The following TFB2M variants were observed in gnomAD, a reference collection of about 807,000 sequenced individuals.
TFB2M encodes transcription factor B2, mitochondrial.
A neutral mutation model predicts 41.3 loss-of-function variants in TFB2M; 44 were observed. The ratio of observed to expected loss-of-function variants is 1.07; its 90% CI spans 0.84 to 1.37. The LOEUF is 1.37. Ranked by LOEUF, TFB2M falls within the 40% of genes most tolerant of loss-of-function variation. TFB2M has a pLI of 0.00. For synonymous variants in TFB2M, 188 were observed against 176.8 expected (o/e 1.06, Z -0.50); for missense variants, 496 against 490.2 (o/e 1.01, Z -0.11).
chr1:246,548,250 T>C (rs1355683697), intron 6 of TFB2M, among the ~76,000 whole-genome samples: 1 of 152,190 alleles, frequency 6.6e-6, no homozygotes, highest in African/African-American at 2.4e-5. Flanking sequence ...ATTAGATAAA[T>C]ATTAAAATGA....
At chr1:246,547,441 C>T (rs1355253479) in intron 6 of TFB2M, among the ~76,000 whole-genome samples, 1 of 152,140 alleles carries the variant, frequency 6.6e-6, no homozygotes, top group African/African-American at 2.4e-5. Context: ...TGCATTATTC[C>T]TATTCTGTTT....
At chr1:246,550,309 G>A (rs1659138092) in intron 5 of TFB2M, among the ~76,000 whole-genome samples, 1 of 152,122 alleles carries the variant, frequency 6.6e-6, no homozygotes, top group African/African-American at 2.4e-5. Context: ...GCAGAAAGCA[G>A]AATCAGTGAT....
rs968748009 is a variant in TFB2M at position 246,565,962 on chromosome 1, A to T, written c.177T>A (p.Asn59Lys). The change falls in exon 1 of 8, where the codon AAT becomes AAA. Residue 59 changes from asparagine (N) to lysine (K), a missense_variant. Coordinates refer to ENST00000366514, the MANE Select transcript of TFB2M (RefSeq NM_022366.3). ...PQLWPEPDFR[N>K]PPRKASKASL... Reference sequence around the variant, plus strand: ...TGGCCTTAGACGCCTTCCTTGGCGGATTCCTGAAATCCGGTTCGGGCCACA... The same window carrying T: ...TGGCCTTAGACGCCTTCCTTGGCGGTTTCCTGAAATCCGGTTCGGGCCACA... 6.2e-6 allele frequency: 10 copies of T among 1,614,040 alleles called. No homozygotes were observed. The highest frequency in any genetic ancestry group is 8.5e-6 in the Non-Finnish European group (10 of 1,180,030).
At position 246,557,481 on chromosome 1, in the gene TFB2M, AAAG is replaced by A; in HGVS notation, c.453_455del (p.Phe152del). On this transcript the variant is annotated inframe_deletion, in exon 3 of 8. Transcript: ENST00000366514. ...CTCCACCACTTCTAGGATCTAGTTT[AAAG>A]AAGTCACAGTGAATCACTCGTAGTT... The A allele has an allele frequency of 6.2e-7, 1 of 1,613,180 alleles. No homozygotes were observed. The highest frequency in any genetic ancestry group is 8.5e-7 in the Non-Finnish European group (1 of 1,179,598).
At chr1:246,549,565 AGAGT>A (rs1279790829) in intron 5 of TFB2M, among the ~76,000 whole-genome samples, 1 of 152,212 alleles carries the variant, frequency 6.6e-6, no homozygotes, top group Non-Finnish European at 1.5e-5. Context: ...CTGGGCTGAC[AGAGT>A]GAGATCGTGT....
At chr1:246,562,839 T>G (rs1266927311) in intron 2 of TFB2M, among the ~76,000 whole-genome samples, 1 of 152,112 alleles carries the variant, frequency 6.6e-6, no homozygotes, top group African/African-American at 2.4e-5. Context: ...TTTGTATTTT[T>G]AGTAGAGACG....
At chr1:246,559,041 A>C (rs1659391811) in intron 2 of TFB2M, among the ~76,000 whole-genome samples, 1 of 152,222 alleles carries the variant, frequency 6.6e-6, no homozygotes, top group Non-Finnish European at 1.5e-5. Flanking sequence ...AAAGTTATTA[A>C]TGCAAACACC....
At chr1:246,542,443 G>A (rs951041619) in intron 7 of TFB2M, among the ~76,000 whole-genome samples, 39 of 151,994 alleles carry the variant, frequency 2.6e-4, no homozygotes, top group Non-Finnish European at 5.4e-4. Context: ...GGGGCTAGGT[G>A]GGAGGATCAT....
At chr1:246,548,677 T>G in intron 5 of TFB2M, 70 bp from the exon 6 acceptor site, 1 of 1,452,086 alleles carries the variant, frequency 6.9e-7, no homozygotes, top group Non-Finnish European at 9.5e-7. Flanking sequence ...AGTTATTACT[T>G]CCTTAAAAAA....
Position 246,565,863 on chromosome 1 carries a change from T to C in TFB2M, c.276A>G (p.Pro92=), listed in dbSNP as rs191909341. Residue 92 remains proline (P), a synonymous_variant, in exon 1 of 8, where the codon CCA becomes CCG. Transcript: ENST00000366514. ...ETLAQIYLGK[P]SRPPHLLLEC... ...CCAGCAGTAGGTGTGGAGGTCTACT[T>C]GGTTTTCCCAAATAGATTTGCGCCA... The C allele has an allele frequency of 4.5e-5, 72 of 1,608,626 alleles. 1 individual carries two copies. In the Admixed American group the frequency reaches 1.2e-3, roughly 26 times the overall value.
chr1:246,547,464 T>A (rs1452426724), intron 6 of TFB2M, among the ~76,000 whole-genome samples: 1 of 152,188 alleles, frequency 6.6e-6, no homozygotes, highest in Non-Finnish European at 1.5e-5. Flanking sequence ...TGGGACTACA[T>A]AAATATGCTG....
chr1:246,548,612 G>A lies in TFB2M; in HGVS notation c.796-5C>T, dbSNP rs564886424. ...ATCAAATGATGACCAAGGCTCCTGG[G>A]GAAGAAAAACAAAGCAAAACAACAT... On this transcript the variant is annotated splice_polypyrimidine_tract_variant and splice_region_variant and intron_variant, in intron 5 of 7. Coordinates refer to ENST00000366514, the MANE Select transcript of TFB2M (RefSeq NM_022366.3). 11 of 1,611,068 alleles carry A rather than the reference G, an allele frequency of 6.8e-6. No individual in the cohort carries two copies. In the South Asian group the frequency reaches 9.9e-5, roughly 15 times the overall value.
chr1:246,561,377 C>T (rs925304533), intron 2 of TFB2M, among the ~76,000 whole-genome samples: 3 of 152,074 alleles, frequency 2.0e-5, no homozygotes, highest in Non-Finnish European at 2.9e-5. Flanking sequence ...TATTGATATT[C>T]CTATCATAAT....
intron 6 of TFB2M, among the ~76,000 whole-genome samples, chr1:246,545,399 C>T (rs1658988301): frequency 3.3e-5 from 5 of 151,924 alleles, no homozygotes; most frequent in Admixed American, 3.3e-4. Context: ...GTGGTGTGTG[C>T]CTGTAGTCCC....
intron 2 of TFB2M, among the ~76,000 whole-genome samples, chr1:246,562,621 C>A (rs1232367603): frequency 1.3e-5 from 2 of 151,664 alleles, no homozygotes; most frequent in East Asian, 3.9e-4. Flanking sequence ...TCATCTAAGA[C>A]AAAAACCACT....
intron 6 of TFB2M, among the ~76,000 whole-genome samples, chr1:246,544,981 A>AT (rs756323119): frequency 1.3e-5 from 2 of 151,770 alleles, no homozygotes; most frequent in Non-Finnish European, 2.9e-5. Context: ...AATTTTTTGT[A>AT]TTTTTAGTAG....
intron 4 of TFB2M, among the ~76,000 whole-genome samples, chr1:246,554,215 A>G (rs1310570982): frequency 2.0e-5 from 3 of 152,200 alleles, no homozygotes; most frequent in African/African-American, 7.2e-5. Context: ...CAAAACTATA[A>G]AACTCTTAGA....
At chr1:246,547,273 C>T (rs1572085291) in intron 6 of TFB2M, among the ~76,000 whole-genome samples, 1 of 152,120 alleles carries the variant, frequency 6.6e-6, no homozygotes, top group Admixed American at 6.5e-5. Flanking sequence ...TGAGCCACCA[C>T]GTCCGGCCAA....
At chr1:246,565,660 C>T (rs1204269268) in intron 1 of TFB2M, among the ~76,000 whole-genome samples, 166 bp downstream of exon 1, 1 of 152,154 alleles carries the variant, frequency 6.6e-6, no homozygotes, top group Non-Finnish European at 1.5e-5. Flanking sequence ...TGCAGGGAGC[C>T]GAGATCGCCC....
Sources: gnomAD v4.1 joint callset for allele counts (sites outside exome capture counted in the v4.1 genomes callset) on GRCh38, gnomAD v4.1.1 for gene constraint, MANE v1.5 for transcripts, NCBI Gene and HGNC (gene_info 2026-07-23, HGNC 2026-07-21) for gene names.